Variants in R3HCC1L observed in about 807,000 individuals in gnomAD.
R3HCC1L encodes coiled-coil domain-containing protein R3HCC1L.
R3HCC1L carries 51 observed loss-of-function variants against 59.9 expected under a neutral mutation model. The observed-to-expected ratio is 0.85, with a 90% CI of 0.68 to 1.07. The LOEUF (loss-of-function observed/expected upper bound fraction) is 1.07, where lower values mean the gene tolerates loss of function less well. Among genes scored for constraint, R3HCC1L ranks in the 50% least tolerant of loss-of-function variants. R3HCC1L has a pLI of 0.00. For missense variants in R3HCC1L, 965 were observed against 933.0 expected (o/e 1.03, Z -0.45); for synonymous variants, 322 against 315.2 (o/e 1.02, Z -0.23).
At chr10:98,219,167 C>G (rs531583290) in intron 5 of R3HCC1L, among the ~76,000 whole-genome samples, 356 of 152,356 alleles carry the variant, frequency 2.3e-3, no homozygotes, top group Non-Finnish European at 3.6e-3. Flanking sequence ...CTGCCTTGGC[C>G]TCCCAAAGTG....
At chr10:98,195,250 A>T (rs1851294915) in intron 4 of R3HCC1L, among the ~76,000 whole-genome samples, 1 of 152,184 alleles carries the variant, frequency 6.6e-6, no homozygotes, top group African/African-American at 2.4e-5. Flanking sequence ...CACTAATATG[A>T]GGTATCTAAA....
chr10:98,169,689 A>G (rs890549226), intron 4 of R3HCC1L, among the ~76,000 whole-genome samples: 2 of 152,240 alleles, frequency 1.3e-5, no homozygotes, highest in Non-Finnish European at 2.9e-5. Flanking sequence ...AGTAGAAACT[A>G]TAAAAAGACT....
intron 4 of R3HCC1L, among the ~76,000 whole-genome samples, chr10:98,190,857 A>G (rs1215771320): frequency 3.4e-5 from 5 of 148,712 alleles, no homozygotes; most frequent in Non-Finnish European, 4.4e-5. Context: ...CATGTGTCCA[A>G]GTGATCTCAT....
At chr10:98,161,507 A>G (rs1334701326) in intron 2 of R3HCC1L, among the ~76,000 whole-genome samples, 1 of 152,072 alleles carries the variant, frequency 6.6e-6, no homozygotes, top group Non-Finnish European at 1.5e-5. Flanking sequence ...TATGTAGTCC[A>G]GTTTTAGAGT....
At chr10:98,195,905 T>C (rs919940324) in intron 4 of R3HCC1L, among the ~76,000 whole-genome samples, 2 of 152,212 alleles carry the variant, frequency 1.3e-5, no homozygotes, top group African/African-American at 4.8e-5. Flanking sequence ...TTTATTTAAA[T>C]ATGTGTTCCT....
At chr10:98,196,288 T>G (rs576961174) in intron 4 of R3HCC1L, among the ~76,000 whole-genome samples, 1 of 152,288 alleles carries the variant, frequency 6.6e-6, no homozygotes, top group African/African-American at 2.4e-5. Flanking sequence ...CTTCCTCCCC[T>G]CATACTTGCT....
intron 2 of R3HCC1L, among the ~76,000 whole-genome samples, chr10:98,158,687 A>G (rs921090260): frequency 1.6e-4 from 24 of 152,094 alleles, no homozygotes; most frequent in African/African-American, 5.6e-4. Context: ...AGACATTCAG[A>G]TTTTACTCAT....
intron 1 of R3HCC1L, among the ~76,000 whole-genome samples, chr10:98,145,347 G>A (rs1354188058): frequency 6.6e-6 from 1 of 152,156 alleles, no homozygotes; most frequent in Non-Finnish European, 1.5e-5. Flanking sequence ...GTTAGAAATC[G>A]GAGTCAGAAT....
intron 1 of R3HCC1L, among the ~76,000 whole-genome samples, chr10:98,150,032 A>G (rs1029229018): frequency 3.3e-5 from 5 of 152,198 alleles, no homozygotes; most frequent in African/African-American, 9.7e-5. Flanking sequence ...ATCTTCAAAT[A>G]GCCTCTTGAG....
Position 98,244,241 on chromosome 10 carries a change from A to T in R3HCC1L, c.*83A>T. 1 of 1,313,860 alleles carries T rather than the reference A, an allele frequency of 7.6e-7. No individual in the cohort carries two copies. The highest frequency in any genetic ancestry group is 1.1e-6 in the Non-Finnish European group (1 of 915,054). 81.4% of individuals were successfully genotyped at this position (1,313,860 alleles called of 1,614,324 possible). On this transcript the variant is annotated 3_prime_UTR_variant, in exon 10 of 10. Coordinates refer to ENST00000298999, the MANE Select transcript of R3HCC1L (RefSeq NM_001351015.2). ...GATAAGATGATCCTTCCAGAGCTCT[A>T]TGTACATGCAGATGTGCATGTTAAA...
chr10:98,199,327 A>G (rs1390727402), intron 4 of R3HCC1L, among the ~76,000 whole-genome samples: 1 of 152,074 alleles, frequency 6.6e-6, no homozygotes, highest in Non-Finnish European at 1.5e-5. Context: ...TCTTGCTTAC[A>G]GTAATTTTGT....
Position 98,244,143 on chromosome 10 carries a change from CCAGTCTA to C in R3HCC1L, c.2327_2333del (p.Ser776PhefsTer12), listed in dbSNP as rs1857855423. 6.2e-7 allele frequency: 1 copy of C among 1,613,778 alleles called. No homozygotes were observed. Among genetic ancestry groups the C allele is most frequent in the Non-Finnish European group, 8.5e-7 (1 of 1,179,816 alleles). On this transcript the variant is annotated frameshift_variant, in exon 10 of 10. Transcript: ENST00000298999. LOFTEE classifies it high-confidence loss of function. ...GGGAAGACATCTGGGAAGGCAGAGACCAGTCTACAGTTTGAACATCACTCAATGAAAG... is the reference window on the plus strand; with the variant it reads ...GGGAAGACATCTGGGAAGGCAGAGACCAGTTTGAACATCACTCAATGAAAG...
intron 5 of R3HCC1L, among the ~76,000 whole-genome samples, chr10:98,229,393 G>A (rs1350379737): frequency 6.6e-6 from 1 of 152,064 alleles, no homozygotes; most frequent in Non-Finnish European, 1.5e-5. Flanking sequence ...GTCTGTTATT[G>A]GTGTGTAGGA....
At chr10:98,214,807 AT>A (rs1175183119) in intron 5 of R3HCC1L, among the ~76,000 whole-genome samples, 1 of 152,202 alleles carries the variant, frequency 6.6e-6, no homozygotes, top group Non-Finnish European at 1.5e-5. Context: ...TGCACAAGTC[AT>A]TTTTTAAAAG....
chr10:98,155,581 A>G (rs1425171966), intron 1 of R3HCC1L, among the ~76,000 whole-genome samples: 1 of 152,080 alleles, frequency 6.6e-6, no homozygotes, highest in African/African-American at 2.4e-5. Flanking sequence ...TTATCAATAG[A>G]TGTAGAGTTT....
intron 4 of R3HCC1L, among the ~76,000 whole-genome samples, chr10:98,168,782 G>A (rs1007401856): frequency 6.6e-6 from 1 of 152,178 alleles, no homozygotes; most frequent in African/African-American, 2.4e-5. Context: ...AGATTTGAAC[G>A]TATACTCTAC....
At chr10:98,165,123 T>C (rs1235736460) in intron 4 of R3HCC1L, among the ~76,000 whole-genome samples, 1 of 152,146 alleles carries the variant, frequency 6.6e-6, no homozygotes, top group African/African-American at 2.4e-5. Flanking sequence ...TAGCTGGGCA[T>C]GGTGGTGTAC....
intron 1 of R3HCC1L, among the ~76,000 whole-genome samples, chr10:98,145,025 A>G (rs1845521369): frequency 2.0e-5 from 3 of 152,232 alleles, no homozygotes; most frequent in African/African-American, 7.2e-5. Context: ...TAGTAAGGAG[A>G]TAGGATTTGT....
intron 5 of R3HCC1L, among the ~76,000 whole-genome samples, chr10:98,217,331 G>A (rs1374335925): frequency 6.6e-6 from 1 of 152,080 alleles, no homozygotes; most frequent in Non-Finnish European, 1.5e-5. Context: ...GGCTGTAAAT[G>A]CATGAACAGA....
Sources: allele counts gnomAD v4.1 joint callset (sites outside exome capture counted in the v4.1 genomes callset), GRCh38; gene constraint gnomAD v4.1.1; transcripts MANE v1.5; gene names NCBI Gene and HGNC (gene_info 2026-07-23, HGNC 2026-07-21).